The following CDYL variants were observed in gnomAD, a reference collection of about 807,000 sequenced individuals.
CDYL encodes chromodomain Y like.
CDYL carries 8 observed loss-of-function variants against 47.3 expected under a neutral mutation model. That is an observed-to-expected ratio of 0.17 (90% CI 0.10 to 0.31). CDYL has a LOEUF of 0.31. CDYL is among the 10% of genes least tolerant of loss of function. The pLI is 1.00. For synonymous variants in CDYL, 266 were observed against 265.0 expected (o/e 1.00, Z -0.04); for missense variants, 471 against 701.4 (o/e 0.67, Z 3.71).
intron 4 of CDYL, among the ~76,000 whole-genome samples, chr6:4,940,678 A>G (rs4960053): frequency 0.69 from 104,362 of 152,206 alleles, 37,199 homozygotes; most frequent in Middle Eastern, 0.88. Flanking sequence ...GAAGTCTGCC[A>G]GAACCAGTAG....
chr6:4,868,626 T>G (rs1464593001), intron 1 of CDYL, among the ~76,000 whole-genome samples: 1 of 152,182 alleles, frequency 6.6e-6, no homozygotes, highest in African/African-American at 2.4e-5. Flanking sequence ...CATTGTTGGA[T>G]GGACTATAAA....
At chr6:4,769,185 T>G (rs1274145906) in intron 3 of CDYL, among the ~76,000 whole-genome samples, 1 of 152,234 alleles carries the variant, frequency 6.6e-6, no homozygotes, top group Non-Finnish European at 1.5e-5. Context: ...GCGTGTATTT[T>G]AGTTAATAAT....
intron 2 of CDYL, among the ~76,000 whole-genome samples, chr6:4,899,894 G>T (rs1042438003): frequency 6.6e-6 from 1 of 152,138 alleles, no homozygotes; most frequent in Non-Finnish European, 1.5e-5. Context: ...GGGAACCAAG[G>T]TTTCTCAAGG....
At chr6:4,887,483 A>G (rs967794832) in intron 1 of CDYL, among the ~76,000 whole-genome samples, 5 of 152,016 alleles carry the variant, frequency 3.3e-5, no homozygotes, top group Admixed American at 2.0e-4. Context: ...GATCATTGCT[A>G]CTGTATAGAA....
exon 2 of CDYL, chr6:4,715,796 C>G: frequency 6.2e-7 from 1 of 1,614,080 alleles, no homozygotes; most frequent in Admixed American, 1.7e-5. Flanking sequence ...TTCAGGCAAG[C>G]CACAGGTCAG....
intron 2 of CDYL, among the ~76,000 whole-genome samples, chr6:4,900,827 A>ATATATATC (rs1757025323): frequency 2.3e-5 from 2 of 85,994 alleles, no homozygotes; most frequent in Non-Finnish European, 4.9e-5. Flanking sequence ...ATATATATAT[A>ATATATATC]TATCTTGCCT....
chr6:4,767,322 C>G (rs1758270742), intron 3 of CDYL, among the ~76,000 whole-genome samples: 1 of 151,860 alleles, frequency 6.6e-6, no homozygotes, highest in African/African-American at 2.4e-5. Flanking sequence ...CACCTGTAAC[C>G]CTAGCACTTC....
chr6:4,898,567 C>T (rs900685087), intron 2 of CDYL, among the ~76,000 whole-genome samples: 1 of 152,134 alleles, frequency 6.6e-6, no homozygotes, highest in African/African-American at 2.4e-5. Flanking sequence ...CATGTAGATG[C>T]ACAGCCTCCC....
intron 3 of CDYL, among the ~76,000 whole-genome samples, chr6:4,740,781 T>G (rs1757783055): frequency 6.6e-6 from 1 of 151,464 alleles, no homozygotes; most frequent in Non-Finnish European, 1.5e-5. Flanking sequence ...GGGCATATAC[T>G]CTAAAATCTT....
chr6:4,906,240 A>G (rs776841222), intron 2 of CDYL, among the ~76,000 whole-genome samples: 7 of 152,206 alleles, frequency 4.6e-5, no homozygotes, highest in Non-Finnish European at 1.0e-4. Flanking sequence ...CCATGTTCAC[A>G]TTGTAATTGT....
At chr6:4,894,255 G>A (rs939504363) in intron 2 of CDYL, among the ~76,000 whole-genome samples, 2 of 152,126 alleles carry the variant, frequency 1.3e-5, no homozygotes, top group South Asian at 2.1e-4. Context: ...CCTCCCTGGC[G>A]TTCTTCCCAG....
At chr6:4,861,008 C>T (rs1761153515) in intron 1 of CDYL, among the ~76,000 whole-genome samples, 1 of 152,112 alleles carries the variant, frequency 6.6e-6, no homozygotes, top group Non-Finnish European at 1.5e-5. Context: ...TCCTTCATTC[C>T]AATCAAGTTG....
At chr6:4,752,867 G>A (rs940282386) in intron 3 of CDYL, among the ~76,000 whole-genome samples, 1 of 142,692 alleles carries the variant, frequency 7.0e-6, no homozygotes, top group African/African-American at 2.9e-5. Flanking sequence ...TTTGTAGATA[G>A]GTAGGTAGGT....
At chr6:4,927,818 C>A (rs1468353790) in intron 2 of CDYL, among the ~76,000 whole-genome samples, 7 of 152,176 alleles carry the variant, frequency 4.6e-5, no homozygotes, top group African/African-American at 1.7e-4. Context: ...TTTTTATGTA[C>A]TAGAATTTTT....
chr6:4,795,701 CTTT>C (rs1409164160), intron 1 of CDYL, among the ~76,000 whole-genome samples: 1 of 148,628 alleles, frequency 6.7e-6, no homozygotes, highest in Non-Finnish European at 1.5e-5. Flanking sequence ...AGAGGTATTT[CTTT>C]TCTCTTTTTT....
chr6:4,822,043 A>C (rs1248673777), intron 1 of CDYL, among the ~76,000 whole-genome samples: 4 of 152,048 alleles, frequency 2.6e-5, no homozygotes, highest in African/African-American at 9.7e-5. Context: ...TCAATGGCTC[A>C]CTACAACCTT....
chr6:4,930,531 T>G (rs1169276359), intron 2 of CDYL, among the ~76,000 whole-genome samples: 1 of 152,192 alleles, frequency 6.6e-6, no homozygotes, highest in Admixed American at 6.5e-5. Context: ...TCTGGGAACA[T>G]TGCCCTGCAC....
chr6:4,931,236 C>A (rs1005029789), intron 2 of CDYL, among the ~76,000 whole-genome samples: 3 of 152,132 alleles, frequency 2.0e-5, no homozygotes, highest in African/African-American at 7.2e-5. Flanking sequence ...TGCTCTTACA[C>A]AGCTTGGTGG....
intron 5 of CDYL, among the ~76,000 whole-genome samples, chr6:4,946,465 T>C (rs186857823): frequency 2.0e-4 from 31 of 152,268 alleles, no homozygotes; most frequent in African/African-American, 7.5e-4. Flanking sequence ...GTCCCCTTTT[T>C]GGCTTGCCCA....
Sources: gnomAD v4.1 joint callset for allele counts (sites outside exome capture counted in the v4.1 genomes callset) on GRCh38, gnomAD v4.1.1 for gene constraint, MANE v1.5 for transcripts, NCBI Gene and HGNC (gene_info 2026-07-23, HGNC 2026-07-21) for gene names.